UBE2Q2: variants seen among roughly 807,000 people sequenced by gnomAD.
The protein encoded by UBE2Q2 is ubiquitin conjugating enzyme E2 Q2, also known as ubiquitin-conjugating enzyme E2 Q2.
A neutral mutation model predicts 59.9 loss-of-function variants in UBE2Q2; 54 were observed. That is an observed-to-expected ratio of 0.90 (90% CI 0.72 to 1.13). UBE2Q2 has a LOEUF of 1.13. UBE2Q2 is among the 50% of genes most tolerant of loss of function. UBE2Q2 has a pLI of 0.00. For missense variants in UBE2Q2, 433 were observed against 441.9 expected (o/e 0.98, Z 0.18); for synonymous variants, 165 against 155.2 (o/e 1.06, Z -0.47).
intron 11 of UBE2Q2, chr15:75,895,173 G>A (rs557785488): frequency 6.6e-6 from 1 of 151,594 alleles, no homozygotes; most frequent in African/African-American, 2.4e-5. Context: ...GTGACAGAGC[G>A]AGACTCCGTC....
chr15:75,888,907 G>A (rs1275495290), intron 9 of UBE2Q2, among the ~76,000 whole-genome samples: 1 of 152,162 alleles, frequency 6.6e-6, no homozygotes, highest in Non-Finnish European at 1.5e-5. Flanking sequence ...GTTGTGACTG[G>A]ATAACAGGTA....
At chr15:75,881,297 G>T (rs1365327806) in intron 8 of UBE2Q2, among the ~76,000 whole-genome samples, 1 of 151,168 alleles carries the variant, frequency 6.6e-6, no homozygotes, top group African/African-American at 2.4e-5. Flanking sequence ...CTTCCTCTTT[G>T]AGAGGTATCT....
At chr15:75,856,269 G>GTGTGTATATATATA (rs1256142539) in intron 2 of UBE2Q2, among the ~76,000 whole-genome samples, 20 of 139,278 alleles carry the variant, frequency 1.4e-4, no homozygotes, top group African/African-American at 5.2e-4. Flanking sequence ...GTGTGTGTGT[G>GTGTGTATATATATA]TATATATATA....
intron 5 of UBE2Q2, among the ~76,000 whole-genome samples, chr15:75,875,735 A>G (rs1193536318): frequency 6.6e-6 from 1 of 152,146 alleles, no homozygotes; most frequent in Admixed American, 6.5e-5. Flanking sequence ...GAAACTTCAT[A>G]ATGCTTCATT....
chr15:75,891,441 C>T (rs1899100441), intron 11 of UBE2Q2, among the ~76,000 whole-genome samples: 1 of 148,178 alleles, frequency 6.7e-6, no homozygotes, highest in Non-Finnish European at 1.5e-5. Flanking sequence ...CTAGTCTTTT[C>T]ATTTATTTTT....
chr15:75,887,712 A>G (rs1196558773), intron 9 of UBE2Q2, among the ~76,000 whole-genome samples: 1 of 152,180 alleles, frequency 6.6e-6, no homozygotes, highest in Non-Finnish European at 1.5e-5. Flanking sequence ...TATGAGACAC[A>G]TTGTGCTCAC....
chr15:75,883,853 C>T (rs199898176), intron 9 of UBE2Q2, among the ~76,000 whole-genome samples: 141,056 of 152,006 alleles, frequency 0.93, 65,935 homozygotes, highest in East Asian at 1. Flanking sequence ...CACACACACA[C>T]ACACACACAC....
rs1178210471 is a variant in UBE2Q2, at chr15:75,899,983, T to TA, written c.*528dup. 5 of 152,898 alleles carry TA rather than the reference T, an allele frequency of 3.3e-5. No homozygotes were observed. In the South Asian group the frequency reaches 1.0e-3, roughly 32 times the overall value. 9.5% of individuals were successfully genotyped at this position (152,898 alleles called of 1,614,324 possible). On this transcript the variant is annotated 3_prime_UTR_variant, in exon 13 of 13. Coordinates refer to ENST00000267938, the MANE Select transcript of UBE2Q2 (RefSeq NM_173469.4). ...ATAGGAAACCTACTCATTAAATTGTTAAACTTTTTAATGACTATGTGAAGA... is the reference window on the plus strand; with the variant it reads ...ATAGGAAACCTACTCATTAAATTGTTAAAACTTTTTAATGACTATGTGAAGA...
chr15:75,853,331 C>T (rs1047959386), intron 1 of UBE2Q2, among the ~76,000 whole-genome samples: 9 of 151,866 alleles, frequency 5.9e-5, no homozygotes, highest in African/African-American at 1.9e-4. Flanking sequence ...ATTAGCTTGG[C>T]GTGGTGGCAT....
intron 1 of UBE2Q2, among the ~76,000 whole-genome samples, chr15:75,845,851 A>C (rs1240734358): frequency 6.6e-6 from 1 of 152,148 alleles, no homozygotes; most frequent in African/African-American, 2.4e-5. Context: ...AGGAGTGATG[A>C]CCTGGATTAG....
intron 1 of UBE2Q2, chr15:75,844,597 A>C (rs1896226036): frequency 8.1e-7 from 1 of 1,230,010 alleles, no homozygotes; most frequent in Non-Finnish European, 1.1e-6. Flanking sequence ...CACGTATGTC[A>C]CAAAGCCGAA....
rs1595845430 is a variant in UBE2Q2, at chr15:75,844,618, T to C, written c.180+772T>C. The C allele has an allele frequency of 3.9e-6, 4 of 1,012,764 alleles. No homozygotes were observed. In the South Asian group the frequency reaches 7.4e-5, roughly 19 times the overall value. 62.7% of individuals were successfully genotyped at this position (1,012,764 alleles called of 1,614,324 possible). On this transcript the variant is annotated intron_variant, in intron 1 of 12. Coordinates refer to ENST00000267938, the MANE Select transcript of UBE2Q2 (RefSeq NM_173469.4). ...TGTCACAAAGCCGAAAAGACACTTTTAAAAACTCACTCATTAAGCGGAAAT... is the reference window on the plus strand; with the variant it reads ...TGTCACAAAGCCGAAAAGACACTTTCAAAAACTCACTCATTAAGCGGAAAT...
At chr15:75,860,059 T>A (rs893596090) in intron 3 of UBE2Q2, 77 bp downstream of exon 3, 1 of 1,060,228 alleles carries the variant, frequency 9.4e-7, no homozygotes, top group Non-Finnish European at 1.4e-6. Flanking sequence ...TGATTTTTCT[T>A]TTTATTGTTC....
chr15:75,862,970 G>C (rs961468213), intron 3 of UBE2Q2, among the ~76,000 whole-genome samples: 4 of 152,090 alleles, frequency 2.6e-5, no homozygotes, highest in African/African-American at 9.7e-5. Context: ...ATGATGGCTG[G>C]AACTACTCCA....
At chr15:75,858,871 A>G (rs1014000396) in intron 2 of UBE2Q2, among the ~76,000 whole-genome samples, 4 of 152,130 alleles carry the variant, frequency 2.6e-5, no homozygotes, top group Non-Finnish European at 5.9e-5. Flanking sequence ...TTACCGTTCA[A>G]CCTTCCTCAT....
intron 4 of UBE2Q2, among the ~76,000 whole-genome samples, chr15:75,869,582 A>G (rs923436173): frequency 2.6e-5 from 4 of 152,208 alleles, no homozygotes; most frequent in African/African-American, 9.6e-5. Flanking sequence ...TTCTTGTTGC[A>G]TCCTCACATG....
At position 75,883,418 on chromosome 15, in the gene UBE2Q2, C is replaced by T; in HGVS notation, c.878C>T (p.Ser293Leu). 1 of 1,611,486 alleles carries T rather than the reference C, an allele frequency of 6.2e-7. No individual in the cohort carries two copies. Among genetic ancestry groups the T allele is most frequent in the Non-Finnish European group, 8.5e-7 (1 of 1,179,006 alleles). Reference protein sequence around the residue: ...PFVRVVLPVLSGGYVLGGGAL... With the variant: ...PFVRVVLPVLLGGYVLGGGAL... ...GTTCGAGTGGTGTTACCTGTTCTCT[C>T]AGGAGGGTAAGTTTAAGTGACTACT... Residue 293 changes from serine to leucine, a missense_variant, in exon 9 of 13, where the codon TCA (serine) becomes TTA (leucine). Physicochemically the swap from Ser to Leu is moderately radical, Grantham distance 145. Transcript: ENST00000267938.
intron 4 of UBE2Q2, among the ~76,000 whole-genome samples, chr15:75,872,598 A>G (rs1455593994): frequency 7.0e-6 from 1 of 142,178 alleles, no homozygotes; most frequent in Middle Eastern, 3.9e-3. Flanking sequence ...GTACAGTAGC[A>G]TGATCATAGC....
At chr15:75,885,745 T>A (rs1898729089) in intron 9 of UBE2Q2, among the ~76,000 whole-genome samples, 1 of 152,226 alleles carries the variant, frequency 6.6e-6, no homozygotes, top group African/African-American at 2.4e-5. Flanking sequence ...ACAAATATAC[T>A]ATCACAGTGA....
Sources: allele counts gnomAD v4.1 joint callset (sites outside exome capture counted in the v4.1 genomes callset), GRCh38; gene constraint gnomAD v4.1.1; transcripts MANE v1.5; gene names NCBI Gene and HGNC (gene_info 2026-07-23, HGNC 2026-07-21).